Variants in ERAP2 observed in about 807,000 individuals in gnomAD.
The protein encoded by ERAP2 is leukocyte-derived arginine aminopeptidase.
Under a neutral mutation model 111.1 loss-of-function variants are expected in ERAP2, and 118 were observed. The ratio of observed to expected loss-of-function variants is 1.06; its 90% CI spans 0.92 to 1.24. ERAP2 has a LOEUF of 1.24. Ranked by LOEUF, ERAP2 falls within the 50% of genes most tolerant of loss-of-function variation. The probability of loss-of-function intolerance (pLI) is 0.00; values close to 1 mark genes in which losing one functional copy is unlikely to be tolerated. For missense variants in ERAP2, 1,131 were observed against 1,125.8 expected (o/e 1.00, Z -0.07); for synonymous variants, 410 against 401.2 (o/e 1.02, Z -0.26).
chr5:96,906,246 T>TCTTCTA, intron 13 of ERAP2, among the ~76,000 whole-genome samples: 1 of 151,628 alleles, frequency 6.6e-6, no homozygotes, highest in Non-Finnish European at 1.5e-5. Context: ...TTCCTCTTCC[T>TCTTCTA]CTTCTACTTC....
rs183700432 is a variant in ERAP2 at position 96,918,238 on chromosome 5, A to C, written c.*633A>C. 6.6e-6 allele frequency: 1 copy of C among 152,362 alleles called. No homozygotes were observed. Among genetic ancestry groups the C allele is most frequent in the Non-Finnish European group, 1.5e-5 (1 of 68,052 alleles). The allele number at this position is 152,362 out of a possible 1,614,324, so 9.4% of individuals were successfully genotyped here. On this transcript the variant is annotated 3_prime_UTR_variant, in exon 19 of 19. Coordinates refer to ENST00000437043, the MANE Select transcript of ERAP2 (RefSeq NM_022350.5). ...GATACAGCTGTAATTATTTAGCCTC[A>C]AGTGACTTTCTCCATTGCTTCACGC...
intron 13 of ERAP2, among the ~76,000 whole-genome samples, 196 bp downstream of exon 13, chr5:96,903,756 A>G (rs1472743514): frequency 2.0e-5 from 3 of 152,228 alleles, no homozygotes; most frequent in Admixed American, 6.5e-5. Flanking sequence ...TTGTAATCCA[A>G]TATTTTAAAA....
In ERAP2 at chr5:96,886,670, C is replaced by A; in HGVS notation, c.730C>A (p.Leu244Ile). The A allele has an allele frequency of 6.5e-7, 1 of 1,536,908 alleles. No individual in the cohort carries two copies. Residue 244 changes from leucine (L) to isoleucine (I), a missense_variant, in exon 4 of 19, where the codon CTT becomes ATT. Around this residue, in one of 3 missense-constraint regions of ERAP2, gnomAD observed 847 missense variants for 856.5 expected, o/e 0.99. Coordinates refer to ENST00000437043, the MANE Select transcript of ERAP2 (RefSeq NM_022350.5). ...CTTTCTGTAGGTTAAGACAATTGAACTTGAAGGAGGTCTTTTGGAAGATCA... is the reference window on the plus strand; with the variant it reads ...CTTTCTGTAGGTTAAGACAATTGAAATTGAAGGAGGTCTTTTGGAAGATCA... The part of the protein sequence containing the change: ...SNMPKVKTIE[L>I]EGGLLEDHFE...
intron 3 of ERAP2, 75 bp downstream of exon 3, chr5:96,884,005 C>A: frequency 7.2e-7 from 1 of 1,396,532 alleles, no homozygotes; most frequent in South Asian, 1.5e-5. Flanking sequence ...TTTAAAATTG[C>A]TTTCAGGATT....
chr5:96,893,615 G>A (rs963015646), intron 6 of ERAP2, among the ~76,000 whole-genome samples: 7 of 152,186 alleles, frequency 4.6e-5, no homozygotes, highest in African/African-American at 1.7e-4. Flanking sequence ...GAGGCTCCAT[G>A]CTCCCTCTGG....
Position 96,917,476 on chromosome 5 carries a change from T to A in ERAP2, c.2754T>A (p.Phe918Leu). 1 of 1,609,876 alleles carries A rather than the reference T, an allele frequency of 6.2e-7. No individual in the cohort carries two copies. The highest frequency in any genetic ancestry group is 8.5e-7 in the Non-Finnish European group (1 of 1,178,814). Residue 918 changes from phenylalanine to leucine, a missense_variant, in exon 19 of 19, where the codon TTT (phenylalanine) becomes TTA (leucine). Phe to Leu is a conservative substitution (Grantham distance 22). Transcript: ENST00000437043. ...KDKLQEVKLF[F>L]ESLEAQGSHL... is the part of the protein sequence containing the mutation. ...ATATTTTACAGGTGAAACTATTTTT[T>A]GAATCTCTTGAGGCTCAAGGATCAC...
At chr5:96,889,827 TACATACAC>T (rs1277679175) in intron 5 of ERAP2, among the ~76,000 whole-genome samples, 6 of 98,986 alleles carry the variant, frequency 6.1e-5, no homozygotes, top group African/African-American at 1.4e-4. Context: ...CATTAAAAAA[TACATACAC>T]ACACACACAC....
intron 13 of ERAP2, among the ~76,000 whole-genome samples, chr5:96,908,725 T>C (rs2112334314): frequency 6.6e-6 from 1 of 152,322 alleles, no homozygotes; most frequent in Middle Eastern, 3.4e-3. Context: ...AACAAGCCTA[T>C]GAGGAAGATA....
chr5:96,890,795 T>C (rs1784264952), intron 5 of ERAP2, among the ~76,000 whole-genome samples: 1 of 152,206 alleles, frequency 6.6e-6, no homozygotes, highest in South Asian at 2.1e-4. Context: ...AGGTTCTATA[T>C]ACTCTTTAGT....
In ERAP2 at chr5:96,918,239, A is replaced by G. The variant is rs1787661222; in HGVS notation, c.*634A>G. ...ATACAGCTGTAATTATTTAGCCTCA[A>G]GTGACTTTCTCCATTGCTTCACGCT... On this transcript the variant is annotated 3_prime_UTR_variant, in exon 19 of 19. Transcript: ENST00000437043. The G allele has an allele frequency of 6.6e-6, 1 of 152,372 alleles. No individual in the cohort carries two copies. Among genetic ancestry groups the G allele is most frequent in the Non-Finnish European group, 1.5e-5 (1 of 68,048 alleles). The allele number at this position is 152,372 out of a possible 1,614,324, so 9.4% of individuals were successfully genotyped here.
chr5:96,919,178 G>A lies in ERAP2; in HGVS notation c.*1573G>A, dbSNP rs1188728445. The A allele has an allele frequency of 6.6e-6, 1 of 152,214 alleles. No individual in the cohort carries two copies. The highest frequency in any genetic ancestry group is 2.4e-5 in the African/African-American group (1 of 41,450). 9.4% of individuals were successfully genotyped at this position (152,214 alleles called of 1,614,324 possible). ...TCCACTTTGGAGCAATATCATGAAGGTCAATTATAATTCCATATACCTTTC... is the reference window on the plus strand; with the variant it reads ...TCCACTTTGGAGCAATATCATGAAGATCAATTATAATTCCATATACCTTTC... On this transcript the variant is annotated 3_prime_UTR_variant, in exon 19 of 19. Transcript: ENST00000437043.
chr5:96,892,095 T>C (rs1196957627), intron 5 of ERAP2, among the ~76,000 whole-genome samples: 1 of 152,214 alleles, frequency 6.6e-6, no homozygotes, highest in Admixed American at 6.5e-5. Flanking sequence ...CAAAACTCTT[T>C]GTACAACTTA....
chr5:96,879,403 C>A (rs1782909094), intron 1 of ERAP2, among the ~76,000 whole-genome samples, 161 bp from the exon 2 acceptor site: 1 of 152,106 alleles, frequency 6.6e-6, no homozygotes, highest in Non-Finnish European at 1.5e-5. Flanking sequence ...TTGTAATAAC[C>A]AGATAACAGC....
intron 5 of ERAP2, among the ~76,000 whole-genome samples, chr5:96,891,651 T>TC (rs958636419): frequency 6.6e-6 from 1 of 151,626 alleles, no homozygotes; most frequent in African/African-American, 2.4e-5. Context: ...TTGCACTTTT[T>TC]CCCCCCACAA....
At chr5:96,881,218 T>A in intron 2 of ERAP2, 2 of 354,024 alleles carry the variant, frequency 5.6e-6, no homozygotes, top group South Asian at 4.2e-5. Context: ...AAAGATCAAG[T>A]CTATGTTGAG....
rs1342501015 is a variant in ERAP2, at chr5:96,913,464, A to G, written c.2657+7A>G. On this transcript the variant is annotated splice_region_variant and intron_variant, in intron 17 of 18. Transcript: ENST00000437043. ...GGACCCATCTTCTGAAAAAGTTGGTATTCATTTTCATCCAATGTTTGTTCT... is the reference window on the plus strand; with the variant it reads ...GGACCCATCTTCTGAAAAAGTTGGTGTTCATTTTCATCCAATGTTTGTTCT... 12 of 1,613,580 alleles carry G rather than the reference A, an allele frequency of 7.4e-6. 1 individual carries two copies. The African/African-American group carries it at 1.3e-4, about 18-fold the overall frequency.
At position 96,909,587 on chromosome 5, in the gene ERAP2, T is replaced by A. The variant is rs759328968; in HGVS notation, c.2177T>A (p.Leu726His). The change falls in exon 15 of 19, where the codon CTT becomes CAT. Residue 726 changes from leucine to histidine, a missense_variant. By Grantham distance (99) the Leu-to-His change is moderately conservative (BLOSUM62 -3). This residue lies in a region of ERAP2 where 5 missense variants were observed against 18.4 expected (regional missense o/e 0.27). Coordinates refer to ENST00000437043, the MANE Select transcript of ERAP2 (RefSeq NM_022350.5). ...SDISENLKRY[L>H]LQYFKPVIDR... ...ATCTCATATTTTCTGCAGCGTTACC[T>A]TCTTCAGTATTTTAAGCCAGTGATT... The A allele has an allele frequency of 1.2e-6, 2 of 1,613,564 alleles. No homozygotes were observed. Among genetic ancestry groups the A allele is most frequent in the East Asian group, 4.5e-5 (2 of 44,888 alleles).
At position 96,887,100 on chromosome 5, in the gene ERAP2, T is replaced by TATATAC. The variant is rs1478213165; in HGVS notation, c.849+312_849+313insTATACA. Among the ~76,000 whole-genome samples the TATATAC allele has an allele frequency of 3.0e-3, 407 of 137,332 alleles. 1 individual carries two copies. The highest frequency in any genetic ancestry group is 4.7e-3 in the Non-Finnish European group (299 of 64,018). 90.1% of individuals were successfully genotyped at this position (137,332 alleles called of 152,430 possible). A position where few individuals can be genotyped will look rare whatever the true frequency, so the allele number is the denominator to read the frequency against. ...ATATATATATATATATATATATATA[T>TATATAC]ACACACACACACACACACACACACA... On this transcript the variant is annotated intron_variant, in intron 4 of 18. Coordinates refer to ENST00000437043, the MANE Select transcript of ERAP2 (RefSeq NM_022350.5).
At chr5:96,884,888 T>A (rs1390526200) in intron 3 of ERAP2, among the ~76,000 whole-genome samples, 1 of 152,204 alleles carries the variant, frequency 6.6e-6, no homozygotes, top group Non-Finnish European at 1.5e-5. Flanking sequence ...CTGGTGACAA[T>A]TGCCATGCAA....
Sources: gnomAD v4.1 joint callset for allele counts (sites outside exome capture counted in the v4.1 genomes callset) on GRCh38, gnomAD v4.1.1 for gene constraint, gnomAD v4.1.1 regional missense constraint, MANE v1.5 for transcripts, NCBI Gene and HGNC (gene_info 2026-07-23, HGNC 2026-07-21) for gene names.